MARCHF6: variants seen among roughly 807,000 people sequenced by gnomAD.
MARCHF6 encodes membrane associated ring-CH-type finger 6.
In MARCHF6, 31 loss-of-function variants were observed where a neutral mutation model predicts 133.7. The observed-to-expected ratio is 0.23, with a 90% CI of 0.17 to 0.31. The LOEUF is 0.31. Among genes scored for constraint, MARCHF6 ranks in the 10% least tolerant of loss-of-function variants. The probability of loss-of-function intolerance (pLI) is 1.00; values close to 1 mark genes in which losing one functional copy is unlikely to be tolerated. For missense variants in MARCHF6, 723 were observed against 1,121.6 expected, an observed-to-expected ratio of 0.64 and a Z score of 5.08; for synonymous variants, 395 against 402.5, an observed-to-expected ratio of 0.98 and a Z score of 0.22.
intron 3 of MARCHF6, among the ~76,000 whole-genome samples, chr5:10,381,097 T>C (rs545783686): frequency 6.7e-4 from 102 of 152,334 alleles, no homozygotes; most frequent in Non-Finnish European, 1.2e-3. Context: ...TGTTTTTCCT[T>C]TATGTTCTTT....
Position 10,377,872 on chromosome 5 carries a change from A to G in MARCHF6, c.94A>G (p.Ile32Val). Residue 32 changes from isoleucine (I) to valine (V), a missense_variant, in exon 2 of 26, where the codon ATT becomes GTT. Coordinates refer to ENST00000274140, the MANE Select transcript of MARCHF6 (RefSeq NM_005885.4). ...LYHPCVCTGS[I>V]KFIHQECLVQ... ...TCATCCTTGTGTATGTACTGGCAGTATTAAGTTTATCCATCAAGAATGGTA... is the reference window on the plus strand; with the variant it reads ...TCATCCTTGTGTATGTACTGGCAGTGTTAAGTTTATCCATCAAGAATGGTA... 1.2e-6 allele frequency: 2 copies of G among 1,612,116 alleles called. No homozygotes were observed. Among genetic ancestry groups the G allele is most frequent in the Non-Finnish European group, 1.7e-6 (2 of 1,178,276 alleles).
rs190679910 is a variant in MARCHF6 at position 10,411,682 on chromosome 5, A to G, written c.1896+145A>G. ...TTATTACCCTCATTATGTAACGTAA[A>G]TGATTAGGTAAGTTTATCAAATTTT... is the stretch of plus-strand genomic sequence containing the variant. On this transcript the variant is annotated intron_variant, in intron 19 of 25. Transcript: ENST00000274140. 5.8e-4 allele frequency: 328 copies of G among 568,146 alleles called. No homozygotes were observed. The highest frequency in any genetic ancestry group is 1.4e-3 in the Admixed American group (36 of 26,076). 35.2% of individuals were successfully genotyped at this position (568,146 alleles called of 1,614,324 possible).
chr5:10,363,785 AAGTACTGATGCAT>A (rs1458088128), intron 1 of MARCHF6, among the ~76,000 whole-genome samples: 1 of 152,246 alleles, frequency 6.6e-6, no homozygotes, highest in African/African-American at 2.4e-5. Flanking sequence ...CAAAGGAATT[AAGTACTGATGCAT>A]GGTACAACTT....
chr5:10,403,547 T>C lies in MARCHF6; in HGVS notation c.1332+6T>C. 6.2e-7 allele frequency: 1 copy of C among 1,606,898 alleles called. No individual in the cohort carries two copies. Among genetic ancestry groups the C allele is most frequent in the South Asian group, 1.1e-5 (1 of 89,550 alleles). ...TCATTCTACTACTGAGAGAGGTAAG[T>C]CCACAGGGAAATGCTGATGCTGTAC... On this transcript the variant is annotated splice_donor_region_variant and intron_variant, in intron 15 of 25. Coordinates refer to ENST00000274140, the MANE Select transcript of MARCHF6 (RefSeq NM_005885.4).
intron 10 of MARCHF6, among the ~76,000 whole-genome samples, chr5:10,399,721 T>C (rs1051083168): frequency 1.3e-5 from 2 of 152,174 alleles, no homozygotes; most frequent in African/African-American, 2.4e-5. Context: ...CATTTTGCAG[T>C]TGGTTTCTTT....
chr5:10,404,519 G>T (rs1738765144), intron 15 of MARCHF6, among the ~76,000 whole-genome samples: 1 of 152,198 alleles, frequency 6.6e-6, no homozygotes, highest in South Asian at 2.1e-4. Flanking sequence ...ACTGCATTCT[G>T]GGGTTTCAGT....
chr5:10,377,668 C>T (rs544768901), intron 1 of MARCHF6, 130 bp from the exon 2 acceptor site: 34 of 579,886 alleles, frequency 5.9e-5, no homozygotes, highest in African/African-American at 5.7e-4. Context: ...TTTCAGTTCT[C>T]CGTACTATTA....
intron 4 of MARCHF6, among the ~76,000 whole-genome samples, chr5:10,382,535 A>G (rs989150800): frequency 1.3e-5 from 2 of 150,962 alleles, no homozygotes; most frequent in Non-Finnish European, 1.5e-5. Flanking sequence ...CCTTTAAAAA[A>G]ATACTCACAT....
At chr5:10,418,745 C>T (rs1739670486) in intron 22 of MARCHF6, among the ~76,000 whole-genome samples, 1 of 152,190 alleles carries the variant, frequency 6.6e-6, no homozygotes, top group Non-Finnish European at 1.5e-5. Context: ...TGTACCCACA[C>T]CCTGGATTGT....
At chr5:10,390,586 A>G in intron 6 of MARCHF6, 86 bp downstream of exon 6, 2 of 1,246,890 alleles carry the variant, frequency 1.6e-6, no homozygotes, top group Non-Finnish European at 2.2e-6. Context: ...CTTGACTTCC[A>G]TGTCCCTCAT....
At chr5:10,423,901 CTTATCT>C in intron 23 of MARCHF6, 77 bp downstream of exon 23, 1 of 974,204 alleles carries the variant, frequency 1.0e-6, no homozygotes, top group Non-Finnish European at 1.5e-6. Context: ...ACTCTTATTT[CTTATCT>C]TCCTACCTTG....
At chr5:10,366,696 G>C (rs1177380578) in intron 1 of MARCHF6, among the ~76,000 whole-genome samples, 3 of 152,308 alleles carry the variant, frequency 2.0e-5, no homozygotes, top group Admixed American at 2.0e-4. Flanking sequence ...GAATTTATTG[G>C]GTAGAAAGAG....
Position 10,433,724 on chromosome 5 carries a change from C to A in MARCHF6, c.*40C>A. ...CAACTTGACCTTCCCCTTTACATGT[C>A]CTTTTTTGTGGACTTCTCTCTTTGG... On this transcript the variant is annotated 3_prime_UTR_variant, in exon 26 of 26. Transcript: ENST00000274140. 1.3e-6 allele frequency: 2 copies of A among 1,526,654 alleles called. No individual in the cohort carries two copies. The highest frequency in any genetic ancestry group is 1.8e-6 in the Non-Finnish European group (2 of 1,100,640). 94.6% of individuals were successfully genotyped at this position (1,526,654 alleles called of 1,614,324 possible). A position where few individuals can be genotyped will look rare whatever the true frequency, so the allele number is the denominator to read the frequency against.
At position 10,438,633 on chromosome 5, in the gene MARCHF6, G is replaced by A. The variant is rs1740737275; in HGVS notation, c.*4949G>A. The A allele has an allele frequency of 6.6e-6, 1 of 152,216 alleles. No individual in the cohort carries two copies. The highest frequency in any genetic ancestry group is 1.5e-5 in the Non-Finnish European group (1 of 68,044). 9.4% of individuals were successfully genotyped at this position (152,216 alleles called of 1,614,324 possible). On this transcript the variant is annotated 3_prime_UTR_variant, in exon 26 of 26. Coordinates refer to ENST00000274140, the MANE Select transcript of MARCHF6 (RefSeq NM_005885.4). Reference sequence around the variant, plus strand: ...TCCTCCTCCATGTTTTTATTTTGGTGTCTGTTTTGTTTCTAGCACTGTATT... The same window carrying A: ...TCCTCCTCCATGTTTTTATTTTGGTATCTGTTTTGTTTCTAGCACTGTATT...
At chr5:10,371,180 T>A (rs1736441092) in intron 1 of MARCHF6, among the ~76,000 whole-genome samples, 1 of 152,198 alleles carries the variant, frequency 6.6e-6, no homozygotes, top group Non-Finnish European at 1.5e-5. Context: ...ACCCTAGATC[T>A]CTTGTATACT....
chr5:10,423,783 T>C lies in MARCHF6; in HGVS notation c.2332T>C (p.Leu778=). The C allele has an allele frequency of 1.2e-6, 2 of 1,613,760 alleles. No homozygotes were observed. The highest frequency in any genetic ancestry group is 1.1e-5 in the South Asian group (1 of 91,048). ...LHAKIIAAIT[L]MGPQWWLKTV... is the part of the protein sequence containing the mutation. ...TGCCAAAATCATTGCAGCTATAACA[T>C]TGATGGGTCCTCAGTGGTGGTTGAA... The change falls in exon 23 of 26, where the codon TTG becomes CTG. Residue 778 remains leucine, a synonymous_variant. Coordinates refer to ENST00000274140, the MANE Select transcript of MARCHF6 (RefSeq NM_005885.4).
chr5:10,384,767 T>C (rs1484949148), intron 4 of MARCHF6, among the ~76,000 whole-genome samples: 2 of 152,218 alleles, frequency 1.3e-5, no homozygotes, highest in African/African-American at 4.8e-5. Context: ...GCATATGTTA[T>C]AACCACTTTA....
chr5:10,432,928 A>C (rs1579628158), intron 25 of MARCHF6, among the ~76,000 whole-genome samples: 1 of 124,320 alleles, frequency 8.0e-6, no homozygotes, highest in Non-Finnish European at 1.6e-5. Context: ...TTTGAGACGG[A>C]GTCACACTCT....
At chr5:10,387,847 A>G (rs907440177) in intron 5 of MARCHF6, among the ~76,000 whole-genome samples, 1 of 151,978 alleles carries the variant, frequency 6.6e-6, no homozygotes, top group African/African-American at 2.4e-5. Flanking sequence ...TTTTTAGTAG[A>G]GATGGGGTTT....
Sources: allele counts gnomAD v4.1 joint callset (sites outside exome capture counted in the v4.1 genomes callset), GRCh38; gene constraint gnomAD v4.1.1; transcripts MANE v1.5; gene names NCBI Gene and HGNC (gene_info 2026-07-23, HGNC 2026-07-21).